NFIC: variants seen among roughly 807,000 people sequenced by gnomAD.
The protein encoded by NFIC is nuclear factor 1 C-type.
A neutral mutation model predicts 54.4 loss-of-function variants in NFIC; 12 were observed. The ratio of observed to expected loss-of-function variants is 0.22; its 90% CI spans 0.14 to 0.36. The LOEUF is 0.36. Among genes scored for constraint, NFIC ranks in the 10% least tolerant of loss-of-function variants. The probability of loss-of-function intolerance (pLI) is 1.00; values close to 1 mark genes in which losing one functional copy is unlikely to be tolerated. For missense variants in NFIC, 575 were observed against 718.2 expected (o/e 0.80, Z 2.28); for synonymous variants, 322 against 319.2 (o/e 1.01, Z -0.09).
chr19:3,399,575 C>G (rs2081521953), intron 2 of NFIC, among the ~76,000 whole-genome samples: 1 of 146,294 alleles, frequency 6.8e-6, no homozygotes, highest in East Asian at 2.1e-4. Flanking sequence ...CACCCTGTCT[C>G]AAAAAATAAA....
intron 1 of NFIC, among the ~76,000 whole-genome samples, chr19:3,378,236 G>A (rs1296724212): frequency 1.3e-5 from 2 of 150,814 alleles, no homozygotes; most frequent in African/African-American, 4.9e-5. Flanking sequence ...ACTCCAGCCT[G>A]GGTGACAAGA....
intron 6 of NFIC, among the ~76,000 whole-genome samples, chr19:3,444,374 G>T (rs2159323): frequency 3.3e-5 from 5 of 152,222 alleles, no homozygotes; most frequent in Non-Finnish European, 4.4e-5. Flanking sequence ...ATGCCGGGAG[G>T]GGCGTATGGA....
intron 2 of NFIC, among the ~76,000 whole-genome samples, chr19:3,387,726 A>G (rs895945301): frequency 6.6e-6 from 1 of 150,816 alleles, no homozygotes; most frequent in Admixed American, 6.6e-5. Flanking sequence ...GGAGCAGCAC[A>G]TGGAGCTGGC....
upstream of NFIC, among the ~76,000 whole-genome samples, chr19:3,362,216 T>G (rs2080820630): frequency 6.6e-6 from 1 of 152,096 alleles, no homozygotes; most frequent in Non-Finnish European, 1.5e-5. Flanking sequence ...GTTCCACTTG[T>G]GGGTGTGTGT....
At chr19:3,455,913 C>T (rs1291762660) in intron 9 of NFIC, among the ~76,000 whole-genome samples, 5 of 152,140 alleles carry the variant, frequency 3.3e-5, no homozygotes, top group Non-Finnish European at 7.3e-5. Flanking sequence ...CCATAAGCCT[C>T]GCTGCCTCCA....
At chr19:3,404,339 G>A (rs2081608166) in intron 2 of NFIC, among the ~76,000 whole-genome samples, 1 of 152,160 alleles carries the variant, frequency 6.6e-6, no homozygotes, top group Admixed American at 6.5e-5. Context: ...TGGGGGTGAG[G>A]GTGTGCGTGC....
chr19:3,448,965 T>G, intron 6 of NFIC, 49 bp from the exon 7 acceptor site: 2 of 1,580,546 alleles, frequency 1.3e-6, no homozygotes, highest in Non-Finnish European at 1.7e-6. Flanking sequence ...GGTCCAGGGC[T>G]CATGGGGTGT....
chr19:3,423,344 G>A (rs1007304359), intron 2 of NFIC, among the ~76,000 whole-genome samples: 4 of 152,186 alleles, frequency 2.6e-5, no homozygotes, highest in African/African-American at 9.7e-5. Context: ...CAGTGTTTGT[G>A]CCCACGTGGA....
At chr19:3,454,358 A>G in intron 9 of NFIC, 1 of 798,512 alleles carries the variant, frequency 1.3e-6, no homozygotes, top group Non-Finnish European at 1.5e-6. Context: ...AAACATTTCC[A>G]GAGTTCTGGC....
intron 2 of NFIC, among the ~76,000 whole-genome samples, chr19:3,410,259 A>G (rs115804820): frequency 0.011 from 1,608 of 152,230 alleles, 29 homozygotes; most frequent in African/African-American, 0.034. Flanking sequence ...CTAGGAGAAC[A>G]ACAATTTGCT....
At chr19:3,401,371 T>G (rs370974491) in intron 2 of NFIC, among the ~76,000 whole-genome samples, 8 of 152,010 alleles carry the variant, frequency 5.3e-5, no homozygotes, top group African/African-American at 1.9e-4. Flanking sequence ...TGGACCGCCC[T>G]GGTGCAAGCA....
chr19:3,424,694 T>C (rs2082001179), intron 2 of NFIC, among the ~76,000 whole-genome samples: 1 of 152,178 alleles, frequency 6.6e-6, no homozygotes. Flanking sequence ...GAACTTCATT[T>C]TACAGATGAG....
At position 3,464,091 on chromosome 19, in the gene NFIC, C is replaced by A; in HGVS notation, c.*1322C>A. On this transcript the variant is annotated 3_prime_UTR_variant, in exon 11 of 11. Transcript: ENST00000443272. ...AGCCGGTGCGCCCCCCACGCCTCCG[C>A]TGCCAGTGCCTTACATTCTGGAGCG... 6.1e-6 allele frequency: 6 copies of A among 985,386 alleles called. No homozygotes were observed. The highest frequency in any genetic ancestry group is 7.2e-6 in the Non-Finnish European group (6 of 829,946). 61.0% of individuals were successfully genotyped at this position (985,386 alleles called of 1,614,324 possible).
At chr19:3,423,413 G>C (rs544221410) in intron 2 of NFIC, among the ~76,000 whole-genome samples, 2 of 152,082 alleles carry the variant, frequency 1.3e-5, no homozygotes, top group African/African-American at 2.4e-5. Flanking sequence ...CAGCGATCGC[G>C]TCCTGGCCTT....
intron 6 of NFIC, among the ~76,000 whole-genome samples, chr19:3,435,442 T>C (rs891708994): frequency 6.6e-6 from 1 of 152,214 alleles, no homozygotes; most frequent in Non-Finnish European, 1.5e-5. Flanking sequence ...GACTGTCCCC[T>C]GCCTGACTCT....
At chr19:3,372,272 C>T (rs1158273203) in intron 1 of NFIC, among the ~76,000 whole-genome samples, 4 of 152,074 alleles carry the variant, frequency 2.6e-5, no homozygotes, top group African/African-American at 7.2e-5. Context: ...CCACCTGCCT[C>T]GGCCTCCCAA....
At chr19:3,422,062 G>T (rs934635992) in intron 2 of NFIC, among the ~76,000 whole-genome samples, 2 of 151,986 alleles carry the variant, frequency 1.3e-5, no homozygotes, top group East Asian at 3.9e-4. Context: ...TCAGCCTCCC[G>T]AGTAGCTGGG....
intron 2 of NFIC, among the ~76,000 whole-genome samples, chr19:3,405,140 G>A (rs999377959): frequency 1.3e-5 from 2 of 152,236 alleles, no homozygotes; most frequent in African/African-American, 4.8e-5. Flanking sequence ...CTCCGGCCCA[G>A]GCGGCCCGGC....
At chr19:3,366,425 G>A (rs2145419441), upstream of NFIC, 1 of 489,488 alleles carries the variant, frequency 2.0e-6, no homozygotes, top group East Asian at 3.6e-5. Flanking sequence ...GAGAGACGGA[G>A]GGAGAGAGGG....
Sources: allele counts gnomAD v4.1 joint callset (sites outside exome capture counted in the v4.1 genomes callset), GRCh38; gene constraint gnomAD v4.1.1; transcripts MANE v1.5; gene names NCBI Gene and HGNC (gene_info 2026-07-23, HGNC 2026-07-21).